The following PSME4 variants were observed in gnomAD, a reference collection of about 807,000 sequenced individuals.
PSME4 encodes the protein proteasome activator subunit 4.
PSME4 carries 89 observed loss-of-function variants against 253.9 expected under a neutral mutation model. The observed-to-expected ratio is 0.35, with a 90% CI of 0.30 to 0.42. The LOEUF (loss-of-function observed/expected upper bound fraction) is 0.42. Ranked by LOEUF, PSME4 falls within the 10% of genes least tolerant of loss-of-function variation. The pLI is 1.00. For missense variants in PSME4, 2,014 were observed against 2,195.2 expected (o/e 0.92, Z 1.65); for synonymous variants, 851 against 759.2 (o/e 1.12, Z -1.99).
chr2:53,929,732 C>T (rs941608348), intron 10 of PSME4, among the ~76,000 whole-genome samples: 1 of 151,824 alleles, frequency 6.6e-6, no homozygotes, highest in African/African-American at 2.4e-5. Flanking sequence ...AAAATAAAAT[C>T]TTTGGCCAGC....
At chr2:53,868,035 T>A (rs1208737145) in intron 44 of PSME4, among the ~76,000 whole-genome samples, 5 of 152,146 alleles carry the variant, frequency 3.3e-5, no homozygotes, top group African/African-American at 4.8e-5. Flanking sequence ...TACATTTGTA[T>A]TTGTGACACA....
intron 2 of PSME4, 24 bp from the exon 3 acceptor site, chr2:53,948,561 A>G (rs377096840): frequency 1.5e-6 from 2 of 1,361,768 alleles, no homozygotes; most frequent in Non-Finnish European, 2.1e-6. Context: ...TAAAATAAAT[A>G]CCTATGTATG....
intron 8 of PSME4, among the ~76,000 whole-genome samples, chr2:53,933,559 G>C (rs138479083): frequency 3.3e-5 from 5 of 151,962 alleles, no homozygotes; most frequent in African/African-American, 9.7e-5. Flanking sequence ...TTTTACTTTT[G>C]TTTTCTTGTA....
At chr2:53,940,693 A>C (rs1669349356) in intron 3 of PSME4, among the ~76,000 whole-genome samples, 1 of 151,336 alleles carries the variant, frequency 6.6e-6, no homozygotes, top group Non-Finnish European at 1.5e-5. Context: ...GGAATATTTA[A>C]ATATTTACTA....
intron 43 of PSME4, among the ~76,000 whole-genome samples, chr2:53,873,642 C>T (rs1553403266): frequency 6.6e-6 from 1 of 152,002 alleles, no homozygotes; most frequent in South Asian, 2.1e-4. Context: ...CTTTTTCTAC[C>T]AAAGAAAAAC....
chr2:53,929,076 G>A (rs889759423), intron 10 of PSME4, among the ~76,000 whole-genome samples: 1 of 152,042 alleles, frequency 6.6e-6, no homozygotes, highest in Non-Finnish European at 1.5e-5. Flanking sequence ...TGAGGCAGGA[G>A]GATCGCTTGA....
At chr2:53,893,096 T>C in intron 35 of PSME4, 136 bp from the exon 36 acceptor site, 1 of 636,200 alleles carries the variant, frequency 1.6e-6, no homozygotes, top group Non-Finnish European at 2.5e-6. Context: ...CTTTAACAAT[T>C]GCGGTAAGTT....
Position 53,892,961 on chromosome 2 carries a change from C to T in PSME4, c.4039-1G>A. The T allele has an allele frequency of 1.9e-6, 3 of 1,608,540 alleles. No individual in the cohort carries two copies. Among genetic ancestry groups the T allele is most frequent in the Non-Finnish European group, 2.5e-6 (3 of 1,177,900 alleles). On this transcript the variant is annotated splice_acceptor_variant, in intron 35 of 46. Transcript: ENST00000404125. LOFTEE classifies it high-confidence loss of function. The stretch of plus-strand genomic sequence containing the variant: ...CATCATCAAAATTCCTGAATATACC[C>T]TATAAAAACAAAGACTGTTCTTCAG...
intron 34 of PSME4, among the ~76,000 whole-genome samples, chr2:53,894,580 T>A (rs1680056649): frequency 6.6e-6 from 1 of 152,236 alleles, no homozygotes; most frequent in African/African-American, 2.4e-5. Flanking sequence ...CCAAGTCAAC[T>A]TTCAAAGTGA....
intron 20 of PSME4, among the ~76,000 whole-genome samples, chr2:53,915,947 C>T (rs1041465356): frequency 9.2e-5 from 14 of 152,126 alleles, no homozygotes; most frequent in Non-Finnish European, 1.9e-4. Flanking sequence ...TGGTGGCACA[C>T]GCCTGCAATA....
At chr2:53,899,637 G>GTA (rs1370645520) in intron 29 of PSME4, among the ~76,000 whole-genome samples, 1 of 151,856 alleles carries the variant, frequency 6.6e-6, no homozygotes, top group East Asian at 2.0e-4. Context: ...GGCCAATGTG[G>GTA]TAAAACCCTG....
At position 53,923,036 on chromosome 2, in the gene PSME4, C is replaced by T. The variant is rs1213080861; in HGVS notation, c.1978+13G>A. 3 of 1,530,392 alleles carry T rather than the reference C, an allele frequency of 2.0e-6. No individual in the cohort carries two copies. Among genetic ancestry groups the T allele is most frequent in the African/African-American group, 2.8e-5 (2 of 71,736 alleles). The allele number at this position is 1,530,392 out of a possible 1,614,324, so 94.8% of individuals were successfully genotyped here. On this transcript the variant is annotated intron_variant, in intron 16 of 46. Coordinates refer to ENST00000404125, the MANE Select transcript of PSME4 (RefSeq NM_014614.3). ...CAAAATTGTAAAGAGAGAATAATGA[C>T]CTTATGACTTACTCATTGTAAGCTG...
chr2:53,903,879 A>G lies in PSME4; in HGVS notation c.3075+146T>C, dbSNP rs1680525378. The G allele has an allele frequency of 7.9e-6, 5 of 634,172 alleles. No individual in the cohort carries two copies. In the South Asian group the frequency reaches 1.3e-4, roughly 16 times the overall value. 39.3% of individuals were successfully genotyped at this position (634,172 alleles called of 1,614,324 possible). On this transcript the variant is annotated intron_variant, in intron 27 of 46. Transcript: ENST00000404125. ...TACTTTGAAATACATTAAAAAAAAGAACAGATATGCGATAAAGCAAATACA... is the reference window on the plus strand; with the variant it reads ...TACTTTGAAATACATTAAAAAAAAGGACAGATATGCGATAAAGCAAATACA...
At position 53,912,313 on chromosome 2, in the gene PSME4, G is replaced by A. The variant is rs184804519; in HGVS notation, c.2517-2183C>T. On this transcript the variant is annotated intron_variant, in intron 20 of 46. Transcript: ENST00000404125. ...GTCCAATCCCCTAACTTCACCAAGGGAAGACTATATATAGGACATATCTGG... is the reference window on the plus strand; with the variant it reads ...GTCCAATCCCCTAACTTCACCAAGGAAAGACTATATATAGGACATATCTGG... 9.0e-3 allele frequency among the ~76,000 whole-genome samples: 1,370 copies of A among 152,262 alleles called. 19 individuals carry two copies. Among genetic ancestry groups the A allele is most frequent in the South Asian group, 0.03 (145 of 4,822 alleles).
chr2:53,950,085 G>A (rs1351905867), intron 1 of PSME4, among the ~76,000 whole-genome samples: 1 of 151,968 alleles, frequency 6.6e-6, no homozygotes, highest in Non-Finnish European at 1.5e-5. Context: ...GACCAGCCTG[G>A]GCAACGTAGC....
chr2:53,970,819 C>T lies in PSME4; in HGVS notation c.-35G>A. On this transcript the variant is annotated 5_prime_UTR_variant, in exon 1 of 47. Transcript: ENST00000404125. ...GACACCCCCCCCACCCCCTCCCACCCGAACCCTCCCCGGCCCCCACCCCTC... is the reference window on the plus strand; with the variant it reads ...GACACCCCCCCCACCCCCTCCCACCTGAACCCTCCCCGGCCCCCACCCCTC... The T allele has an allele frequency of 1.4e-6, 2 of 1,410,640 alleles. No homozygotes were observed. Among genetic ancestry groups the T allele is most frequent in the Non-Finnish European group, 1.9e-6 (2 of 1,076,188 alleles). 87.4% of individuals were successfully genotyped at this position (1,410,640 alleles called of 1,614,324 possible). A position where few individuals can be genotyped will look rare whatever the true frequency, so the allele number is the denominator to read the frequency against.
intron 3 of PSME4, among the ~76,000 whole-genome samples, chr2:53,943,846 CAAAAAA>C (rs5831284): frequency 1.2e-5 from 1 of 81,372 alleles, no homozygotes. Flanking sequence ...AACTCCATCT[CAAAAAA>C]AAAAAAAAAA....
At chr2:53,881,603 T>A (rs1679393158) in intron 41 of PSME4, 1 of 137,144 alleles carries the variant, frequency 7.3e-6, no homozygotes, top group Non-Finnish European at 1.5e-5. Context: ...ACAGGCAGAA[T>A]TTTTTTTTTT....
intron 26 of PSME4, 122 bp from the exon 27 acceptor site, chr2:53,904,278 C>A (rs1680544765): frequency 9.9e-7 from 1 of 1,006,448 alleles, no homozygotes; most frequent in African/African-American, 1.6e-5. Context: ...AAATAAATTT[C>A]AAAGCACGTA....
Sources: allele counts gnomAD v4.1 joint callset (sites outside exome capture counted in the v4.1 genomes callset), GRCh38; gene constraint gnomAD v4.1.1; transcripts MANE v1.5; gene names NCBI Gene and HGNC (gene_info 2026-07-23, HGNC 2026-07-21).